Variants in GATAD2B observed in about 807,000 individuals in gnomAD.
The protein encoded by GATAD2B is GATA zinc finger domain containing 2B, also known as transcriptional repressor p66-beta.
GATAD2B carries 8 observed loss-of-function variants against 64.3 expected under a neutral mutation model. The observed-to-expected ratio is 0.12, with a 90% confidence interval of 0.07 to 0.22. The LOEUF is 0.22. Ranked by LOEUF, GATAD2B falls within the 10% of genes least tolerant of loss-of-function variation. The pLI, the probability that GATAD2B is intolerant of heterozygous loss-of-function variation, is 1.00. For synonymous variants in GATAD2B, 281 were observed against 271.3 expected (o/e 1.04, Z -0.35); for missense variants, 453 against 752.0 (o/e 0.60, Z 4.65).
intron 1 of GATAD2B, among the ~76,000 whole-genome samples, chr1:153,891,605 G>T (rs535080810): frequency 5.8e-4 from 70 of 120,280 alleles, no homozygotes; most frequent in African/African-American, 1.9e-3. Context: ...AAAAGAGGTG[G>T]GGGGGAGAGG....
chr1:153,889,399 C>T (rs757313811), intron 1 of GATAD2B, among the ~76,000 whole-genome samples: 4 of 99,822 alleles, frequency 4.0e-5, no homozygotes, highest in Non-Finnish European at 5.6e-5. Flanking sequence ...GCAACAAGAG[C>T]GAAACCCCGT....
At chr1:153,911,018 T>G (rs1037520320) in intron 1 of GATAD2B, among the ~76,000 whole-genome samples, 1 of 152,152 alleles carries the variant, frequency 6.6e-6, no homozygotes, top group African/African-American at 2.4e-5. Context: ...TAGAGAAATA[T>G]ATCTCTAAAA....
intron 1 of GATAD2B, among the ~76,000 whole-genome samples, chr1:153,870,191 T>C (rs1000720384): frequency 1.3e-5 from 2 of 152,010 alleles, no homozygotes; most frequent in Non-Finnish European, 1.5e-5. Context: ...CCTCAAAAGA[T>C]CCACCTGCCT....
At chr1:153,836,202 G>A (rs1675255485) in intron 1 of GATAD2B, among the ~76,000 whole-genome samples, 1 of 151,288 alleles carries the variant, frequency 6.6e-6, no homozygotes, top group Non-Finnish European at 1.5e-5. Context: ...TGACACAAGA[G>A]GATCATTGGA....
intron 1 of GATAD2B, among the ~76,000 whole-genome samples, chr1:153,897,345 T>A (rs1032377923): frequency 1.3e-5 from 2 of 152,188 alleles, no homozygotes; most frequent in Non-Finnish European, 2.9e-5. Context: ...CCAAAACACC[T>A]GTTTTTTAAA....
At chr1:153,887,664 G>A (rs1054586282) in intron 1 of GATAD2B, among the ~76,000 whole-genome samples, 1 of 152,072 alleles carries the variant, frequency 6.6e-6, no homozygotes, top group East Asian at 1.9e-4. Context: ...CTGGGACTAA[G>A]GTGTGTGCCA....
chr1:153,922,349 C>A (rs1389348044), intron 1 of GATAD2B, among the ~76,000 whole-genome samples: 1 of 143,034 alleles, frequency 7.0e-6, no homozygotes, highest in African/African-American at 2.6e-5. Context: ...GGGCATGAGG[C>A]AGGGAGTGAA....
In GATAD2B at chr1:153,816,947, T is replaced by C. The variant is rs1388597483; in HGVS notation, c.901-359A>G. Reference sequence around the variant, plus strand: ...AAAAATACACAAAATTAGCTGGAAATTCCTTGAACCCAGGAGGCAGAGGTT... The same window carrying C: ...AAAAATACACAAAATTAGCTGGAAACTCCTTGAACCCAGGAGGCAGAGGTT... On this transcript the variant is annotated intron_variant, in intron 6 of 10. Transcript: ENST00000368655. This position sits in a 1 kb window ranked among gnomAD's most constrained non-coding sequence, Gnocchi z 4.9. Among the ~76,000 whole-genome samples, 5 of 152,104 alleles carry C rather than the reference T, an allele frequency of 3.3e-5. No homozygotes were observed. The highest frequency in any genetic ancestry group is 4.8e-5 in the African/African-American group (2 of 41,418).
chr1:153,914,653 G>C (rs929487050), intron 1 of GATAD2B: 3 of 152,228 alleles, frequency 2.0e-5, no homozygotes, highest in Non-Finnish European at 4.4e-5. Flanking sequence ...ACACAGCAAG[G>C]CTGGGTGTAG....
Position 153,806,218 on chromosome 1 carries a change from C to T in GATAD2B, c.*3959G>A, listed in dbSNP as rs1674108267. 6.6e-6 allele frequency: 1 copy of T among 152,234 alleles called. No homozygotes were observed. Among genetic ancestry groups the T allele is most frequent in the Admixed American group, 6.5e-5 (1 of 15,278 alleles). 9.4% of individuals were successfully genotyped at this position (152,234 alleles called of 1,614,324 possible). A position where few individuals can be genotyped will look rare whatever the true frequency, so the allele number is the denominator to read the frequency against. On this transcript the variant is annotated 3_prime_UTR_variant, in exon 11 of 11. Transcript: ENST00000368655. ...CGATGCCCCCGGGAACTGCCCCATTCCTCGGCTACCTCCCAGCCCCCAGCA... is the reference window on the plus strand; with the variant it reads ...CGATGCCCCCGGGAACTGCCCCATTTCTCGGCTACCTCCCAGCCCCCAGCA...
At position 153,881,984 on chromosome 1, in the gene GATAD2B, T is replaced by C. The variant is rs576869901; in HGVS notation, c.-2+40749A>G. On this transcript the variant is annotated intron_variant, in intron 1 of 10. Coordinates refer to ENST00000368655, the MANE Select transcript of GATAD2B (RefSeq NM_020699.4). ...CTGCCAATCACATGGTGTACTGTTATATTAAACAAAAGAAACAGGGGGATG... is the reference window on the plus strand; with the variant it reads ...CTGCCAATCACATGGTGTACTGTTACATTAAACAAAAGAAACAGGGGGATG... Among the ~76,000 whole-genome samples, 442 of 152,228 alleles carry C rather than the reference T, an allele frequency of 2.9e-3. 1 individual carries two copies. The highest frequency in any genetic ancestry group is 4.8e-3 in the Non-Finnish European group (326 of 68,028).
intron 1 of GATAD2B, among the ~76,000 whole-genome samples, chr1:153,870,512 G>A (rs1207550542): frequency 6.6e-6 from 1 of 152,118 alleles, no homozygotes; most frequent in Non-Finnish European, 1.5e-5. Flanking sequence ...GGCAGAGCTT[G>A]CAGTGAGCAG....
chr1:153,880,282 T>G (rs374972618), intron 1 of GATAD2B, among the ~76,000 whole-genome samples: 7 of 151,662 alleles, frequency 4.6e-5, no homozygotes, highest in African/African-American at 1.7e-4. Flanking sequence ...ACCAACATGG[T>G]GAAACCCTGT....
At chr1:153,863,525 A>C (rs1476239072) in intron 1 of GATAD2B, among the ~76,000 whole-genome samples, 1 of 150,276 alleles carries the variant, frequency 6.7e-6, no homozygotes, top group Non-Finnish European at 1.5e-5. Context: ...AAAAAAAAAA[A>C]CAACAGGAAA....
At chr1:153,858,893 T>C (rs1676178009) in intron 1 of GATAD2B, among the ~76,000 whole-genome samples, 1 of 152,098 alleles carries the variant, frequency 6.6e-6, no homozygotes, top group Admixed American at 6.6e-5. Context: ...AGGAAAGTCC[T>C]GTCAGAAAAA....
chr1:153,917,097 C>T (rs1226267677), intron 1 of GATAD2B, among the ~76,000 whole-genome samples: 2 of 148,272 alleles, frequency 1.3e-5, no homozygotes, highest in African/African-American at 2.5e-5. Flanking sequence ...TGAGCCCCCG[C>T]ACCCGGCCTA....
chr1:153,844,371 T>C (rs903892976), intron 1 of GATAD2B, among the ~76,000 whole-genome samples: 1 of 151,708 alleles, frequency 6.6e-6, no homozygotes, highest in Admixed American at 6.6e-5. Context: ...TAGGGAATTT[T>C]TAGCCCTAAA....
intron 7 of GATAD2B, among the ~76,000 whole-genome samples, chr1:153,815,882 G>T (rs530686487): frequency 6.6e-6 from 1 of 152,002 alleles, no homozygotes; most frequent in South Asian, 2.1e-4. Flanking sequence ...ATGAAACCCC[G>T]TCTCTACTAA....
At chr1:153,867,487 TGAC>T (rs911227284) in intron 1 of GATAD2B, among the ~76,000 whole-genome samples, 2 of 151,872 alleles carry the variant, frequency 1.3e-5, no homozygotes, top group Admixed American at 6.6e-5. Flanking sequence ...CCAGCTTGGG[TGAC>T]AGAGCAAGAC....
Sources: allele counts gnomAD v4.1 joint callset (sites outside exome capture counted in the v4.1 genomes callset), GRCh38; gene constraint gnomAD v4.1.1; non-coding constraint Gnocchi (gnomAD v3.1); transcripts MANE v1.5; gene names NCBI Gene and HGNC (gene_info 2026-07-23, HGNC 2026-07-21).